Variants in DACH1 observed in about 807,000 individuals in gnomAD.
DACH1 encodes dachshund family transcription factor 1.
DACH1 carries 12 observed loss-of-function variants against 54.2 expected under a neutral mutation model. The ratio of observed to expected loss-of-function variants is 0.22; its 90% confidence interval spans 0.14 to 0.36. The LOEUF is 0.36. Among genes scored for constraint, DACH1 ranks in the 10% least tolerant of loss-of-function variants. The probability of loss-of-function intolerance (pLI) is 1.00; values close to 1 mark genes in which losing one functional copy is unlikely to be tolerated. For synonymous variants in DACH1, 386 were observed against 366.2 expected, an observed-to-expected ratio of 1.05 and a Z score of -0.62; for missense variants, 805 against 929.8, an observed-to-expected ratio of 0.87 and a Z score of 1.75.
intron 1 of DACH1, among the ~76,000 whole-genome samples, chr13:71,783,118 G>A (rs957196850): frequency 6.6e-6 from 1 of 152,064 alleles, no homozygotes; most frequent in Non-Finnish European, 1.5e-5. Flanking sequence ...ACGTACACAC[G>A]TTCCTGCACA....
At chr13:71,786,575 A>T (rs181596496) in intron 1 of DACH1, among the ~76,000 whole-genome samples, 164 of 152,312 alleles carry the variant, frequency 1.1e-3, no homozygotes, top group Middle Eastern at 0.01. Context: ...AATGGCATAC[A>T]TTTCAGTATT....
intron 1 of DACH1, among the ~76,000 whole-genome samples, chr13:71,714,534 G>A (rs1193265981): frequency 1.3e-5 from 2 of 151,902 alleles, no homozygotes; most frequent in African/African-American, 2.4e-5. Context: ...GGTTTACATT[G>A]GTGTATGCTT....
intron 4 of DACH1, 68 bp downstream of exon 4, chr13:71,572,772 G>GA: frequency 6.7e-7 from 1 of 1,497,536 alleles, no homozygotes; most frequent in Admixed American, 2.0e-5. Context: ...TATGGAATAA[G>GA]AAAAATGGAT....
chr13:71,539,435 T>C (rs956019380), intron 6 of DACH1, among the ~76,000 whole-genome samples: 11 of 152,066 alleles, frequency 7.2e-5, no homozygotes, highest in African/African-American at 1.9e-4. Context: ...CAGAATTAAC[T>C]ATAAAATTAA....
At chr13:71,497,853 T>C (rs943986847) in intron 6 of DACH1, among the ~76,000 whole-genome samples, 3 of 140,766 alleles carry the variant, frequency 2.1e-5, no homozygotes, top group African/African-American at 5.4e-5. Flanking sequence ...AGAGGAAATA[T>C]GTGTTGACAC....
chr13:71,828,806 C>A (rs1035938174), intron 1 of DACH1, among the ~76,000 whole-genome samples: 2 of 151,908 alleles, frequency 1.3e-5, no homozygotes, highest in Non-Finnish European at 2.9e-5. Flanking sequence ...TCTCTGGTCT[C>A]TAAGGCCCCC....
intron 6 of DACH1, among the ~76,000 whole-genome samples, chr13:71,510,351 C>G (rs1354844716): frequency 6.6e-6 from 1 of 151,806 alleles, no homozygotes; most frequent in Non-Finnish European, 1.5e-5. Context: ...CCTGAAGTGC[C>G]CTCATCTCTG....
chr13:71,742,851 T>C (rs1364625394), intron 1 of DACH1, among the ~76,000 whole-genome samples: 1 of 152,162 alleles, frequency 6.6e-6, no homozygotes, highest in Non-Finnish European at 1.5e-5. Context: ...TTTTCTCTTG[T>C]TCCTACTCAG....
chr13:71,486,797 A>AATTT (rs869141697), intron 7 of DACH1, among the ~76,000 whole-genome samples: 3 of 25,894 alleles, frequency 1.2e-4, no homozygotes, highest in Admixed American at 1.3e-3. Flanking sequence ...TAAATTAATT[A>AATTT]ATTTATTTAT....
At chr13:71,719,690 C>T (rs968367997) in intron 1 of DACH1, among the ~76,000 whole-genome samples, 1 of 151,992 alleles carries the variant, frequency 6.6e-6, no homozygotes, top group African/African-American at 2.4e-5. Context: ...CATACTGAAA[C>T]CCCATCACTA....
chr13:71,835,564 T>A (rs1400422782), intron 1 of DACH1, among the ~76,000 whole-genome samples: 4 of 152,058 alleles, frequency 2.6e-5, no homozygotes, highest in African/African-American at 9.7e-5. Context: ...AAGCTACTGG[T>A]GATTGATCCT....
intron 1 of DACH1, among the ~76,000 whole-genome samples, chr13:71,754,633 G>T (rs1027764166): frequency 2.0e-5 from 3 of 151,756 alleles, no homozygotes; most frequent in African/African-American, 4.8e-5. Context: ...CCCAGATTTT[G>T]TAATACCCCA....
At position 71,587,213 on chromosome 13, in the gene DACH1, G is replaced by A. The variant is rs1038218342; in HGVS notation, c.1127-14201C>T. ...AGATGAATTTTAGGTTTGCTCCAAC[G>A]TATTCAATAAAGTGTGATTAATTTG... On this transcript the variant is annotated intron_variant, in intron 3 of 10. Coordinates refer to ENST00000613252, the MANE Select transcript of DACH1 (RefSeq NM_080759.6). Among the ~76,000 whole-genome samples the A allele has an allele frequency of 3.3e-5, 5 of 151,870 alleles. No individual in the cohort carries two copies. In the East Asian group the frequency reaches 5.8e-4, roughly 18 times the overall value.
chr13:71,601,182 A>G (rs1874466626), intron 3 of DACH1, among the ~76,000 whole-genome samples: 1 of 152,076 alleles, frequency 6.6e-6, no homozygotes, highest in South Asian at 2.1e-4. Context: ...GTTTATTTAC[A>G]TGTGTCCTTG....
intron 10 of DACH1, among the ~76,000 whole-genome samples, chr13:71,449,221 G>A (rs1309225968): frequency 1.3e-5 from 2 of 152,126 alleles, no homozygotes; most frequent in Non-Finnish European, 2.9e-5. Flanking sequence ...AGCTACTCAG[G>A]AGGCTGAGGC....
At chr13:71,591,710 G>A (rs1305951416) in intron 3 of DACH1, among the ~76,000 whole-genome samples, 2 of 152,068 alleles carry the variant, frequency 1.3e-5, no homozygotes, top group African/African-American at 4.8e-5. Context: ...AGTATTTTGG[G>A]AACCCTCCCT....
intron 2 of DACH1, among the ~76,000 whole-genome samples, chr13:71,633,779 A>G (rs1455851867): frequency 2.6e-5 from 4 of 151,936 alleles, no homozygotes; most frequent in Non-Finnish European, 4.4e-5. Context: ...TCTCAATTCT[A>G]ATTATTTAAT....
At chr13:71,670,023 C>CA (rs75817985) in intron 2 of DACH1, among the ~76,000 whole-genome samples, 6,133 of 113,416 alleles carry the variant, frequency 0.054, 190 homozygotes, top group African/African-American at 0.11. Flanking sequence ...CTAAATTAGC[C>CA]AAAAAAAAAA....
intron 1 of DACH1, among the ~76,000 whole-genome samples, chr13:71,709,527 T>C (rs1190172005): frequency 2.6e-5 from 4 of 152,030 alleles, no homozygotes; most frequent in African/African-American, 9.7e-5. Flanking sequence ...CTAACTCTTG[T>C]GGTTACCAGA....
Sources: gnomAD v4.1 joint callset for allele counts (sites outside exome capture counted in the v4.1 genomes callset) on GRCh38, gnomAD v4.1.1 for gene constraint, MANE v1.5 for transcripts, NCBI Gene and HGNC (gene_info 2026-07-23, HGNC 2026-07-21) for gene names.